Variants in FBXO36 observed in about 807,000 individuals in gnomAD.
FBXO36 encodes F-box only protein 36.
In FBXO36, 18 loss-of-function variants were observed where a neutral mutation model predicts 17.0. That is an observed-to-expected ratio of 1.06 (90% CI 0.73 to 1.57). The LOEUF is 1.57. Ranked by LOEUF, FBXO36 falls within the 40% of genes most tolerant of loss-of-function variation. The probability of loss-of-function intolerance (pLI) is 0.00; values close to 1 mark genes in which losing one functional copy is unlikely to be tolerated. For missense variants in FBXO36, 229 were observed against 221.9 expected (o/e 1.03, Z -0.20); for synonymous variants, 83 against 85.3 (o/e 0.97, Z 0.15).
At chr2:229,986,263 G>T (rs1244592757) in intron 2 of FBXO36, among the ~76,000 whole-genome samples, 2 of 152,112 alleles carry the variant, frequency 1.3e-5, no homozygotes, top group Non-Finnish European at 1.5e-5. Flanking sequence ...ACTTTGGGAG[G>T]CCGAGGCTGG....
intron 1 of FBXO36, 152 bp from the exon 2 acceptor site, chr2:229,976,089 G>C (rs1372613919): frequency 3.6e-6 from 2 of 559,970 alleles, no homozygotes; most frequent in South Asian, 5.7e-5. Context: ...TTGATGCCCA[G>C]AGGTTAATTC....
intron 1 of FBXO36, among the ~76,000 whole-genome samples, chr2:229,924,791 C>G (rs1000343171): frequency 1.3e-5 from 2 of 151,258 alleles, no homozygotes; most frequent in African/African-American, 4.9e-5. Flanking sequence ...TTCTTTGAGG[C>G]AGCGTCTCGC....
chr2:229,997,449 G>A lies in FBXO36; in HGVS notation c.378+526G>A, dbSNP rs187513750. 8.0e-3 allele frequency among the ~76,000 whole-genome samples: 1,220 copies of A among 151,948 alleles called. 24 individuals carry two copies. The highest frequency in any genetic ancestry group is 0.029 in the African/African-American group (1,194 of 41,434). The stretch of plus-strand genomic sequence containing the variant: ...AAAAATTAGCTGGGCGTGGTGGCAG[G>A]TGTTTGTAATCCCAGCTACTCAGGA... On this transcript the variant is annotated intron_variant, in intron 3 of 3. Coordinates refer to ENST00000283946, the MANE Select transcript of FBXO36 (RefSeq NM_174899.5).
chr2:230,012,910 A>AT lies in FBXO36; in HGVS notation c.*2029dup, dbSNP rs1380091645. On this transcript the variant is annotated 3_prime_UTR_variant, in exon 4 of 4. Coordinates refer to ENST00000283946, the MANE Select transcript of FBXO36 (RefSeq NM_174899.5). ...AATCAATAAGAACATAAATATGGCAATTTGAAAACACTATGTATATACCTA... is the reference window on the plus strand; with the variant it reads ...AATCAATAAGAACATAAATATGGCAATTTTGAAAACACTATGTATATACCTA... The AT allele has an allele frequency of 6.6e-6, 1 of 151,532 alleles. No homozygotes were observed. The highest frequency in any genetic ancestry group is 1.5e-5 in the Non-Finnish European group (1 of 67,830). The allele number at this position is 151,532 out of a possible 1,614,324, so 9.4% of individuals were successfully genotyped here. A position where few individuals can be genotyped will look rare whatever the true frequency, so the allele number is the denominator to read the frequency against.
At chr2:229,966,779 T>G in intron 1 of FBXO36, among the ~76,000 whole-genome samples, 2 of 152,228 alleles carry the variant, frequency 1.3e-5, no homozygotes, top group Non-Finnish European at 2.9e-5. Flanking sequence ...TTTTGGTTAC[T>G]GTAGCCTTGT....
In FBXO36 at chr2:229,954,329, G is replaced by T. The variant is rs13020629; in HGVS notation, c.97-21912G>T. 1.6e-3 allele frequency among the ~76,000 whole-genome samples: 210 copies of T among 128,484 alleles called. 1 individual carries two copies. The highest frequency in any genetic ancestry group is 6.0e-3 in the African/African-American group (204 of 34,156). The allele number at this position is 128,484 out of a possible 152,430, so 84.3% of individuals were successfully genotyped here. On this transcript the variant is annotated intron_variant, in intron 1 of 3. Transcript: ENST00000283946. ...CCAATCTCAGCTCACTGCAACCTCC[G>T]CCCCCTGGGTTCAAGCAATTCTCCT...
intron 3 of FBXO36, among the ~76,000 whole-genome samples, chr2:230,004,781 T>C (rs946170092): frequency 5.3e-5 from 8 of 151,884 alleles, no homozygotes; most frequent in Non-Finnish European, 1.0e-4. Context: ...CCGAGGCAGG[T>C]GGATCACTTG....
intron 3 of FBXO36, among the ~76,000 whole-genome samples, chr2:230,008,543 T>C (rs2077399209): frequency 6.6e-6 from 1 of 152,164 alleles, no homozygotes; most frequent in African/African-American, 2.4e-5. Context: ...CAGTATAAAA[T>C]TTGATGAGTC....
intron 1 of FBXO36, among the ~76,000 whole-genome samples, chr2:229,954,839 G>T (rs1013689169): frequency 9.9e-5 from 15 of 151,024 alleles, no homozygotes; most frequent in African/African-American, 3.7e-4. Flanking sequence ...GAGCCACCAT[G>T]CCTGGCGTTT....
chr2:229,938,350 T>G (rs1577329322), intron 1 of FBXO36, among the ~76,000 whole-genome samples: 1 of 144,076 alleles, frequency 6.9e-6, no homozygotes, highest in South Asian at 2.2e-4. Flanking sequence ...GCCTCCCGAG[T>G]AGCTGGGACT....
chr2:230,004,858 T>C (rs1447589608), intron 3 of FBXO36, among the ~76,000 whole-genome samples: 1 of 151,994 alleles, frequency 6.6e-6, no homozygotes. Context: ...AATACAAAAT[T>C]AGCTGGGCAT....
intron 1 of FBXO36, among the ~76,000 whole-genome samples, chr2:229,933,208 C>G (rs1463620871): frequency 2.6e-5 from 4 of 152,238 alleles, no homozygotes; most frequent in African/African-American, 9.6e-5. Flanking sequence ...GCCTTGCCAA[C>G]ATGGTGAAAC....
chr2:229,942,925 C>CTTGTGGTTACAGTGGTT (rs2077007379), intron 1 of FBXO36: 2 of 152,240 alleles, frequency 1.3e-5, no homozygotes, highest in South Asian at 4.1e-4. Context: ...GGTTACAGTG[C>CTTGTGGTTACAGTGGTT]CCTGGTTTTC....
At chr2:230,010,267 T>A (rs2077408523) in intron 3 of FBXO36, among the ~76,000 whole-genome samples, 1 of 151,880 alleles carries the variant, frequency 6.6e-6, no homozygotes, top group African/African-American at 2.4e-5. Flanking sequence ...ATCTCAAAAA[T>A]AAAAATAAAA....
intron 1 of FBXO36, among the ~76,000 whole-genome samples, chr2:229,945,352 G>T (rs577831050): frequency 1.3e-5 from 2 of 152,164 alleles, no homozygotes; most frequent in African/African-American, 4.8e-5. Context: ...TGTCACCCAG[G>T]CTGGAGTGCA....
intron 1 of FBXO36, among the ~76,000 whole-genome samples, chr2:229,974,212 A>T (rs989865178): frequency 3.3e-5 from 5 of 152,012 alleles, no homozygotes; most frequent in Admixed American, 6.6e-5. Flanking sequence ...GGTTATACAT[A>T]AAAAAAAGCA....
intron 1 of FBXO36, among the ~76,000 whole-genome samples, chr2:229,961,058 A>G (rs1349225997): frequency 1.3e-5 from 2 of 151,976 alleles, no homozygotes; most frequent in Non-Finnish European, 2.9e-5. Context: ...CAGTGAGCCG[A>G]GATCACCGCC....
At chr2:229,933,583 G>A (rs1469404561) in intron 1 of FBXO36, among the ~76,000 whole-genome samples, 1 of 152,156 alleles carries the variant, frequency 6.6e-6, no homozygotes, top group Non-Finnish European at 1.5e-5. Context: ...TCATGAGCCG[G>A]GTGCAGGGGT....
chr2:230,005,236 G>A (rs1270936176), intron 3 of FBXO36, among the ~76,000 whole-genome samples: 1 of 151,918 alleles, frequency 6.6e-6, no homozygotes, highest in East Asian at 1.9e-4. Flanking sequence ...CAAATGTCTG[G>A]GACTACAGGT....
Sources: allele counts gnomAD v4.1 joint callset (sites outside exome capture counted in the v4.1 genomes callset), GRCh38; gene constraint gnomAD v4.1.1; transcripts MANE v1.5; gene names NCBI Gene and HGNC (gene_info 2026-07-23, HGNC 2026-07-21).